STAG1: variants seen among roughly 807,000 people sequenced by gnomAD.
STAG1 encodes the protein cohesin subunit SA-1.
Under a neutral mutation model 170.9 loss-of-function variants are expected in STAG1, and 26 were observed. The observed-to-expected ratio is 0.15, with a 90% CI of 0.11 to 0.21. STAG1 has a LOEUF of 0.21. Among genes scored for constraint, STAG1 ranks in the 10% least tolerant of loss-of-function variants. The pLI is 1.00. For synonymous variants in STAG1, 514 were observed against 497.7 expected (o/e 1.03, Z -0.44); for missense variants, 964 against 1,509.5 (o/e 0.64, Z 5.99).
intron 2 of STAG1, among the ~76,000 whole-genome samples, chr3:136,625,866 A>G (rs550589869): frequency 2.0e-5 from 3 of 152,250 alleles, no homozygotes; most frequent in East Asian, 3.8e-4. Context: ...TCTAACTTAT[A>G]TATCTTTAAA....
chr3:136,400,852 A>G (rs995130807), intron 21 of STAG1, among the ~76,000 whole-genome samples: 19 of 152,314 alleles, frequency 1.2e-4, no homozygotes, highest in African/African-American at 3.4e-4. Flanking sequence ...AATTTTCTAA[A>G]GGAAAGAATA....
At chr3:136,492,756 G>A (rs895663182) in intron 9 of STAG1, among the ~76,000 whole-genome samples, 10 of 152,092 alleles carry the variant, frequency 6.6e-5, no homozygotes, top group African/African-American at 1.4e-4. Flanking sequence ...TAAATTCCAC[G>A]GGAAAAAATG....
chr3:136,720,236 C>T (rs1933158144), intron 1 of STAG1, among the ~76,000 whole-genome samples: 1 of 146,096 alleles, frequency 6.8e-6, no homozygotes, highest in Non-Finnish European at 1.5e-5. Flanking sequence ...AAGAATGAAA[C>T]AAGATAAACC....
At chr3:136,666,261 G>C (rs944247539) in intron 1 of STAG1, among the ~76,000 whole-genome samples, 1 of 152,026 alleles carries the variant, frequency 6.6e-6, no homozygotes, top group South Asian at 2.1e-4. Flanking sequence ...TTCTCCCCTA[G>C]AGCCTCCTGA....
intron 21 of STAG1, 148 bp from the exon 22 acceptor site, chr3:136,398,977 T>C (rs1011838326): frequency 7.3e-5 from 30 of 408,274 alleles, no homozygotes; most frequent in African/African-American, 2.1e-5. Flanking sequence ...TGAGAATGTA[T>C]AAAATACTTG....
At chr3:136,403,399 T>G (rs2087393317) in intron 21 of STAG1, among the ~76,000 whole-genome samples, 1 of 151,994 alleles carries the variant, frequency 6.6e-6, no homozygotes, top group East Asian at 1.9e-4. Flanking sequence ...CATGTCAGAA[T>G]GCAGAAAATA....
intron 28 of STAG1, among the ~76,000 whole-genome samples, chr3:136,354,754 C>CAAAAAAAAAAAAAA: frequency 0.41 from 2,614 of 6,422 alleles, 908 homozygotes; most frequent in South Asian, 0.64. Context: ...GAGAAAGAAC[C>CAAAAAAAAAAAAAA]AAAAAAAAAA....
chr3:136,702,513 A>G (rs1370716417), intron 1 of STAG1, among the ~76,000 whole-genome samples: 1 of 151,906 alleles, frequency 6.6e-6, no homozygotes, highest in Non-Finnish European at 1.5e-5. Context: ...CAGGCTCCCA[A>G]GTAGCTGGGA....
intron 25 of STAG1, among the ~76,000 whole-genome samples, chr3:136,364,327 C>T (rs1385375436): frequency 6.6e-6 from 1 of 152,134 alleles, no homozygotes; most frequent in Non-Finnish European, 1.5e-5. Flanking sequence ...AAGTGATCCA[C>T]CAGCCTCAGC....
At chr3:136,494,042 A>C (rs1212856018) in intron 9 of STAG1, among the ~76,000 whole-genome samples, 1 of 152,218 alleles carries the variant, frequency 6.6e-6, no homozygotes, top group Non-Finnish European at 1.5e-5. Flanking sequence ...AGGCCGAAGC[A>C]GAAGGACTGC....
At chr3:136,598,895 C>G (rs1313904238) in intron 4 of STAG1, among the ~76,000 whole-genome samples, 1 of 152,150 alleles carries the variant, frequency 6.6e-6, no homozygotes, top group East Asian at 1.9e-4. Context: ...TTCAGTTATA[C>G]TATACTATTT....
intron 9 of STAG1, among the ~76,000 whole-genome samples, chr3:136,478,956 TCA>T (rs1364746377): frequency 6.6e-6 from 1 of 151,920 alleles, no homozygotes; most frequent in Non-Finnish European, 1.5e-5. Flanking sequence ...ACCACCTAGC[TCA>T]CAGTTACTAT....
At chr3:136,449,776 G>C (rs936857083) in intron 14 of STAG1, among the ~76,000 whole-genome samples, 4 of 151,964 alleles carry the variant, frequency 2.6e-5, no homozygotes, top group Non-Finnish European at 5.9e-5. Context: ...AAAAGCCCTT[G>C]AGCTTTCAGA....
chr3:136,580,754 C>T (rs1277324203), intron 4 of STAG1, among the ~76,000 whole-genome samples: 3 of 150,516 alleles, frequency 2.0e-5, no homozygotes, highest in Non-Finnish European at 4.4e-5. Context: ...AGGATGGTCT[C>T]GATCTCCTGA....
intron 6 of STAG1, among the ~76,000 whole-genome samples, chr3:136,525,004 T>G (rs147404948): frequency 2.0e-5 from 3 of 152,198 alleles, no homozygotes; most frequent in African/African-American, 7.2e-5. Flanking sequence ...TGCCGGTATT[T>G]TATTGAGGAC....
intron 3 of STAG1, among the ~76,000 whole-genome samples, chr3:136,619,734 G>A (rs1016217748): frequency 2.6e-5 from 3 of 117,558 alleles, no homozygotes; most frequent in Non-Finnish European, 4.8e-5. Flanking sequence ...TCCAGATTAC[G>A]CAACAGCGCG....
chr3:136,379,666 G>A (rs777617865), intron 22 of STAG1, among the ~76,000 whole-genome samples: 4 of 152,048 alleles, frequency 2.6e-5, no homozygotes, highest in African/African-American at 9.7e-5. Context: ...CCGAGACTGC[G>A]CCACTGCACC....
chr3:136,463,333 G>A (rs2089329067), intron 13 of STAG1, among the ~76,000 whole-genome samples: 1 of 152,156 alleles, frequency 6.6e-6, no homozygotes, highest in South Asian at 2.1e-4. Flanking sequence ...TTGTAGCACT[G>A]AATGCAGATA....
At chr3:136,439,424 A>ACACACACACAC (rs1404714900) in intron 15 of STAG1, among the ~76,000 whole-genome samples, 14 of 144,008 alleles carry the variant, frequency 9.7e-5, no homozygotes, top group Admixed American at 1.4e-4. Flanking sequence ...ACACACACAC[A>ACACACACACAC]CACACACACA....
Sources: gnomAD v4.1 joint callset for allele counts (sites outside exome capture counted in the v4.1 genomes callset) on GRCh38, gnomAD v4.1.1 for gene constraint, MANE v1.5 for transcripts, NCBI Gene and HGNC (gene_info 2026-07-23, HGNC 2026-07-21) for gene names.